EGFL6: variants seen among roughly 807,000 people sequenced by gnomAD.
EGFL6 encodes epidermal growth factor-like protein 6.
A neutral mutation model predicts 43.1 loss-of-function variants in EGFL6; 42 were observed. The ratio of observed to expected loss-of-function variants is 0.98; its 90% CI spans 0.76 to 1.26. EGFL6 has a LOEUF of 1.26. Ranked by LOEUF, EGFL6 falls within the 50% of genes most tolerant of loss-of-function variation. EGFL6 has a pLI of 0.00. For synonymous variants in EGFL6, 164 were observed against 163.2 expected (o/e 1.01, Z -0.04); for missense variants, 429 against 427.8 (o/e 1.00, Z -0.02).
At chrX:13,576,979 CTTGT>C (rs1286390093) in intron 1 of EGFL6, among the ~76,000 whole-genome samples, 1 of 110,456 alleles carries the variant, frequency 9.1e-6, no homozygotes, top group Non-Finnish European at 1.9e-5. Context: ...ATGTGAAGGT[CTTGT>C]TTATGAAAAA....
At position 13,623,608 on chromosome X, in the gene EGFL6, G is replaced by A. The variant is rs139494130; in HGVS notation, c.1184-216G>A. Reference sequence around the variant, plus strand: ...AGGCTGGTCTTGAACTCCTGACCTCGTGATCTGCCTACCTCAGCCTCCCAA... The same window carrying A: ...AGGCTGGTCTTGAACTCCTGACCTCATGATCTGCCTACCTCAGCCTCCCAA... On this transcript the variant is annotated intron_variant, in intron 9 of 11. Coordinates refer to ENST00000361306, the MANE Select transcript of EGFL6 (RefSeq NM_015507.4). Among the ~76,000 whole-genome samples the A allele has an allele frequency of 1.4e-4, 15 of 107,526 alleles. No homozygotes were observed. In the East Asian group the frequency reaches 1.5e-3, roughly 11 times the overall value. The allele number at this position is 107,526 out of a possible 115,157, so 93.4% of individuals were successfully genotyped here.
chrX:13,626,217 T>C (rs1488118659), intron 10 of EGFL6, among the ~76,000 whole-genome samples: 1 of 111,939 alleles, frequency 8.9e-6, no homozygotes, highest in Non-Finnish European at 1.9e-5. Context: ...CTGGATGCAT[T>C]GAAAACTAAG....
At chrX:13,610,657 C>A (rs2045684555) in intron 7 of EGFL6, among the ~76,000 whole-genome samples, 1 of 111,668 alleles carries the variant, frequency 9.0e-6, no homozygotes, top group Non-Finnish European at 1.9e-5. Flanking sequence ...GATGAGTGCC[C>A]AAGGGACCTG....
chrX:13,624,103 C>A (rs141034701), intron 10 of EGFL6, among the ~76,000 whole-genome samples, 178 bp downstream of exon 10: 226 of 111,115 alleles, frequency 2.0e-3, no homozygotes, highest in African/African-American at 7.2e-3. Context: ...AGCATATATT[C>A]TCCTACTTAA....
chrX:13,583,596 TCA>T (rs2045519591), intron 1 of EGFL6, among the ~76,000 whole-genome samples: 1 of 112,078 alleles, frequency 8.9e-6, no homozygotes, highest in African/African-American at 3.2e-5. Flanking sequence ...AATGAAATAC[TCA>T]GTTTTTCTTG....
chrX:13,594,143 C>A lies in EGFL6; in HGVS notation c.188-693C>A, dbSNP rs146850787. 1.5e-4 allele frequency among the ~76,000 whole-genome samples: 17 copies of A among 111,092 alleles called. No individual in the cohort carries two copies. In the East Asian group the frequency reaches 4.8e-3, roughly 31 times the overall value. On this transcript the variant is annotated intron_variant, in intron 2 of 11. Transcript: ENST00000361306. ...TTTCTCCTTATAACCTCCCTGTGAG[C>A]TGGAATGAAATTGTCCATCATCTTT...
At chrX:13,617,632 C>A in intron 7 of EGFL6, 98 bp from the exon 8 acceptor site, 4 of 704,018 alleles carry the variant, frequency 5.7e-6, no homozygotes, top group Non-Finnish European at 8.6e-6. Context: ...ATTCTGGAAG[C>A]ATTCACTTAC....
At chrX:13,593,617 G>A (rs976881920) in intron 2 of EGFL6, among the ~76,000 whole-genome samples, 1 of 111,809 alleles carries the variant, frequency 8.9e-6, no homozygotes, top group African/African-American at 3.2e-5. Flanking sequence ...AGCTGTGGTG[G>A]GGAAAGCAGG....
At chrX:13,620,019 T>C (rs999839192) in intron 9 of EGFL6, among the ~76,000 whole-genome samples, 6 of 112,115 alleles carry the variant, frequency 5.4e-5, no homozygotes, top group Admixed American at 9.4e-5. Flanking sequence ...CCATATTCCA[T>C]TGGCCAAGCC....
intron 11 of EGFL6, among the ~76,000 whole-genome samples, chrX:13,631,139 A>ATG (rs1262766682): frequency 8.9e-6 from 1 of 112,554 alleles, no homozygotes. Context: ...GATAGGCTAT[A>ATG]TGTGCATGTT....
At chrX:13,585,694 T>C (rs1174679610) in intron 1 of EGFL6, among the ~76,000 whole-genome samples, 1 of 111,510 alleles carries the variant, frequency 9.0e-6, no homozygotes, top group Non-Finnish European at 1.9e-5. Context: ...GAATTCTAAT[T>C]AAATGAATCC....
chrX:13,585,158 G>A (rs1290483024), intron 1 of EGFL6, among the ~76,000 whole-genome samples: 2 of 111,285 alleles, frequency 1.8e-5, no homozygotes, highest in Non-Finnish European at 3.8e-5. Context: ...CCAACCTCTC[G>A]GGGCTCATCT....
chrX:13,606,592 C>T, intron 6 of EGFL6, 79 bp downstream of exon 6: 1 of 1,062,256 alleles, frequency 9.4e-7, no homozygotes. Context: ...ATTTTGATGT[C>T]AATTCAAGCT....
At chrX:13,592,302 A>G (rs932161578) in intron 2 of EGFL6, among the ~76,000 whole-genome samples, 2 of 111,662 alleles carry the variant, frequency 1.8e-5, no homozygotes, top group Non-Finnish European at 3.8e-5. Flanking sequence ...TAGACACTGG[A>G]AATTAAATTC....
At chrX:13,619,052 C>T in intron 8 of EGFL6, 111 bp from the exon 9 acceptor site, 1 of 570,034 alleles carries the variant, frequency 1.8e-6, no homozygotes, top group Non-Finnish European at 3.0e-6. Context: ...CTAATATATT[C>T]TGTAATTAGA....
At chrX:13,572,530 G>A (rs984864042) in intron 1 of EGFL6, among the ~76,000 whole-genome samples, 2 of 112,124 alleles carry the variant, frequency 1.8e-5, no homozygotes, top group African/African-American at 6.5e-5. Flanking sequence ...ACTCCATCTC[G>A]AGTGTTCTAA....
chrX:13,632,824 C>T (rs190163270), intron 11 of EGFL6, among the ~76,000 whole-genome samples, 161 bp from the exon 12 acceptor site: 6 of 111,594 alleles, frequency 5.4e-5, no homozygotes, highest in East Asian at 2.8e-4. Flanking sequence ...GTTCTCTCAG[C>T]GCAGACACCT....
rs1436186856 is a variant in EGFL6, at chrX:13,623,841, G to A, written c.1201G>A (p.Asp401Asn). 8.3e-7 allele frequency: 1 copy of A among 1,207,523 alleles called. No homozygotes were observed. Among genetic ancestry groups the A allele is most frequent in the African/African-American group, 1.7e-5 (1 of 57,641 alleles). Residue 401 changes from aspartate (D) to asparagine (N), a missense_variant, in exon 10 of 12, where the codon GAC becomes AAC. Coordinates refer to ENST00000361306, the MANE Select transcript of EGFL6 (RefSeq NM_015507.4). Reference sequence around the variant, plus strand: ...TTTAGCAGATTTAAATATCTCGGTTGACTGCAGCTTCAATCATGGGATCTG... The same window carrying A: ...TTTAGCAGATTTAAATATCTCGGTTAACTGCAGCTTCAATCATGGGATCTG... ...LEHKDLNISV[D>N]CSFNHGICDW...
rs768391280 is a variant in EGFL6, at chrX:13,617,850, C to T, written c.899C>T (p.Thr300Ile). 5 of 1,209,346 alleles carry T rather than the reference C, an allele frequency of 4.1e-6. No individual in the cohort carries two copies. The African/African-American group carries it at 8.8e-5, about 21-fold the overall frequency. Residue 300 changes from threonine (T) to isoleucine (I), a missense_variant, in exon 8 of 12, where the codon ACC becomes ATC. Thr to Ile is a moderately conservative substitution (Grantham distance 89). Transcript: ENST00000361306. ...MKKKAKIKNV[T>I]PEPTRTPTPK... ...AAGAAGGCAAAAATTAAAAATGTTA[C>T]CCCAGAACCCACCAGGACTCCTACC...
Sources: gnomAD v4.1 joint callset for allele counts (sites outside exome capture counted in the v4.1 genomes callset) on GRCh38, gnomAD v4.1.1 for gene constraint, MANE v1.5 for transcripts, NCBI Gene and HGNC (gene_info 2026-07-23, HGNC 2026-07-21) for gene names.